The following CSMD1 variants were observed in gnomAD, a reference collection of about 807,000 sequenced individuals.
CSMD1 encodes the protein CUB and sushi domain-containing protein 1.
In CSMD1, 213 loss-of-function variants were observed where a neutral mutation model predicts 417.5. That is an observed-to-expected ratio of 0.51 (90% CI 0.46 to 0.57). CSMD1 has a LOEUF of 0.57. Among genes scored for constraint, CSMD1 ranks in the 20% least tolerant of loss-of-function variants. The probability of loss-of-function intolerance (pLI) is 0.00; values close to 1 mark genes in which losing one functional copy is unlikely to be tolerated. For missense variants in CSMD1, 6,923 were observed against 4,529.7 expected (o/e 1.53, Z -15.17); for synonymous variants, 2,862 against 1,736.8 (o/e 1.65, Z -16.11).
chr8:3,693,540 T>C (rs1800370886), intron 7 of CSMD1, among the ~76,000 whole-genome samples: 1 of 152,178 alleles, frequency 6.6e-6, no homozygotes, highest in Non-Finnish European at 1.5e-5. Context: ...ATATCGTTAC[T>C]GAGCCCTACA....
At chr8:4,401,789 G>C (rs1205722034) in intron 3 of CSMD1, among the ~76,000 whole-genome samples, 1 of 152,114 alleles carries the variant, frequency 6.6e-6, no homozygotes, top group Non-Finnish European at 1.5e-5. Context: ...CTGTCCAGCA[G>C]TGCTTCCTCT....
rs1772547609 is a variant in CSMD1, at chr8:3,861,860, G to T, written c.819-107818C>A. 2.0e-5 allele frequency among the ~76,000 whole-genome samples: 3 copies of T among 152,150 alleles called. No homozygotes were observed. The South Asian group carries it at 6.2e-4, about 31-fold the overall frequency. ...GCCACTGGCTTTTAAATGTCTAATG[G>T]AGCCTAAGAAAACCCACAGTGGAAG... On this transcript the variant is annotated intron_variant, in intron 5 of 69. Transcript: ENST00000635120.
chr8:4,021,717 G>C (rs1407258841), intron 4 of CSMD1, among the ~76,000 whole-genome samples: 2 of 151,964 alleles, frequency 1.3e-5, no homozygotes, highest in African/African-American at 4.8e-5. Flanking sequence ...TCTATGTATT[G>C]TTGCAATATC....
At chr8:3,340,633 T>C (rs1409420423) in intron 23 of CSMD1, among the ~76,000 whole-genome samples, 1 of 152,254 alleles carries the variant, frequency 6.6e-6, no homozygotes, top group Non-Finnish European at 1.5e-5. Context: ...GACATCTTTT[T>C]GGAATAAATA....
chr8:4,778,052 C>T (rs952881556), intron 1 of CSMD1, among the ~76,000 whole-genome samples: 1 of 152,110 alleles, frequency 6.6e-6, no homozygotes, highest in Non-Finnish European at 1.5e-5. Context: ...AAAATTCAGA[C>T]ACATAAACAC....
At chr8:4,583,254 C>T (rs556650888) in intron 2 of CSMD1, among the ~76,000 whole-genome samples, 59 of 152,274 alleles carry the variant, frequency 3.9e-4, no homozygotes, top group African/African-American at 1.4e-3. Context: ...CACCTGCAGC[C>T]GTGGTGCGGG....
intron 16 of CSMD1, among the ~76,000 whole-genome samples, chr8:3,398,301 A>G (rs1482489112): frequency 6.6e-6 from 1 of 152,210 alleles, no homozygotes; most frequent in Non-Finnish European, 1.5e-5. Context: ...ATTTTTTCAA[A>G]TGATTGATTA....
intron 1 of CSMD1, among the ~76,000 whole-genome samples, chr8:4,687,836 TACACACACACACAC>T (rs35687334): frequency 6.7e-6 from 1 of 149,196 alleles, no homozygotes; most frequent in Middle Eastern, 3.4e-3. Context: ...CATACATACA[TACACACACACACAC>T]ACACACACAC....
chr8:4,960,916 A>G (rs972082885), intron 1 of CSMD1, among the ~76,000 whole-genome samples: 3 of 152,178 alleles, frequency 2.0e-5, no homozygotes, highest in Non-Finnish European at 4.4e-5. Context: ...TTTACAATGC[A>G]TGTGGCTGTT....
chr8:4,912,138 A>AAGAAAG (rs1554518079), intron 1 of CSMD1, among the ~76,000 whole-genome samples: 1 of 131,350 alleles, frequency 7.6e-6, no homozygotes, highest in Non-Finnish European at 1.6e-5. Flanking sequence ...AAAAAAAAAA[A>AAGAAAG]AAAGAAAGAA....
intron 10 of CSMD1, among the ~76,000 whole-genome samples, chr8:3,515,025 A>G (rs1797228929): frequency 6.6e-6 from 1 of 152,226 alleles, no homozygotes. Flanking sequence ...ATTTAATCAA[A>G]TTTATAATCC....
intron 41 of CSMD1, among the ~76,000 whole-genome samples, chr8:3,121,458 A>G (rs1428943466): frequency 6.6e-6 from 1 of 152,182 alleles, no homozygotes; most frequent in African/African-American, 2.4e-5. Context: ...AGGGACGAGA[A>G]GTGGGAAGAA....
At chr8:3,946,642 G>T (rs1203517173) in intron 5 of CSMD1, among the ~76,000 whole-genome samples, 1 of 152,068 alleles carries the variant, frequency 6.6e-6, no homozygotes, top group South Asian at 2.1e-4. Context: ...ATCTACAGAT[G>T]AATAAACTTA....
intron 10 of CSMD1, among the ~76,000 whole-genome samples, chr8:3,556,510 TCA>T (rs1395528038): frequency 3.2e-5 from 3 of 93,924 alleles, no homozygotes; most frequent in African/African-American, 1.7e-4. Flanking sequence ...AACTTCTTTT[TCA>T]CACGCACACA....
chr8:4,552,885 C>G (rs1021563200), intron 2 of CSMD1, among the ~76,000 whole-genome samples: 1 of 152,126 alleles, frequency 6.6e-6, no homozygotes, highest in African/African-American at 2.4e-5. Flanking sequence ...TCTTTTAAAC[C>G]TCTTCCCTAG....
At chr8:4,898,469 C>T (rs1465539494) in intron 1 of CSMD1, among the ~76,000 whole-genome samples, 1 of 151,380 alleles carries the variant, frequency 6.6e-6, no homozygotes, top group Non-Finnish European at 1.5e-5. Context: ...TAAGTGAGAG[C>T]CGACCAAAAT....
At chr8:3,176,866 C>A (rs1035559885) in intron 37 of CSMD1, among the ~76,000 whole-genome samples, 2 of 151,598 alleles carry the variant, frequency 1.3e-5, no homozygotes, top group Non-Finnish European at 2.9e-5. Context: ...GTAGCCTCGG[C>A]CTCCTGGGCT....
intron 1 of CSMD1, among the ~76,000 whole-genome samples, chr8:4,899,989 G>C (rs557356382): frequency 3.9e-5 from 6 of 152,150 alleles, no homozygotes; most frequent in Admixed American, 3.3e-4. Context: ...TTTAGTCTAA[G>C]TAGGATGTCT....
chr8:3,242,189 G>T (rs2116978427), intron 26 of CSMD1, among the ~76,000 whole-genome samples: 1 of 152,174 alleles, frequency 6.6e-6, no homozygotes, highest in East Asian at 1.9e-4. Flanking sequence ...GTCCCAGAAT[G>T]AAACAGTAAG....
Sources: gnomAD v4.1 joint callset for allele counts (sites outside exome capture counted in the v4.1 genomes callset) on GRCh38, gnomAD v4.1.1 for gene constraint, MANE v1.5 for transcripts, NCBI Gene and HGNC (gene_info 2026-07-23, HGNC 2026-07-21) for gene names.